Variants in NELL1 observed in about 807,000 individuals in gnomAD.
NELL1 encodes neural EGFL like 1.
Under a neutral mutation model 107.4 loss-of-function variants are expected in NELL1, and 76 were observed. The observed-to-expected ratio is 0.71, with a 90% confidence interval of 0.59 to 0.86. NELL1 has a LOEUF of 0.86. NELL1 is among the 40% of genes least tolerant of loss of function. NELL1 has a pLI of 0.00. For missense variants in NELL1, 1,024 were observed against 1,005.5 expected (o/e 1.02, Z -0.25); for synonymous variants, 353 against 341.2 (o/e 1.03, Z -0.38).
intron 12 of NELL1, among the ~76,000 whole-genome samples, chr11:20,977,264 A>ATT (rs558154042): frequency 1.1e-4 from 15 of 131,152 alleles, no homozygotes; most frequent in Non-Finnish European, 1.1e-4. Context: ...AATTAAATCT[A>ATT]TTTTTTTTTT....
intron 13 of NELL1, among the ~76,000 whole-genome samples, chr11:21,184,810 T>C (rs1856898337): frequency 6.6e-6 from 1 of 151,892 alleles, no homozygotes; most frequent in Non-Finnish European, 1.5e-5. Flanking sequence ...TAAGTTCTAA[T>C]TATTGAAATG....
chr11:21,340,747 T>C (rs1453881225), intron 14 of NELL1, among the ~76,000 whole-genome samples: 2 of 151,888 alleles, frequency 1.3e-5, no homozygotes, highest in African/African-American at 4.8e-5. Context: ...AGCTAAGGAA[T>C]GCCAAAGATT....
chr11:21,425,827 G>A (rs1382573503), intron 15 of NELL1, among the ~76,000 whole-genome samples: 1 of 152,186 alleles, frequency 6.6e-6, no homozygotes, highest in African/African-American at 2.4e-5. Flanking sequence ...GGACATACTA[G>A]TAGCAGAGAA....
intron 15 of NELL1, among the ~76,000 whole-genome samples, chr11:21,419,960 AT>A (rs950805442): frequency 6.6e-6 from 1 of 151,788 alleles, no homozygotes; most frequent in Non-Finnish European, 1.5e-5. Context: ...TTATAATCCT[AT>A]TTTTTTATTG....
chr11:20,838,959 C>T (rs901078025), intron 3 of NELL1, among the ~76,000 whole-genome samples: 23 of 152,242 alleles, frequency 1.5e-4, no homozygotes, highest in East Asian at 5.8e-4. Context: ...TTAGTGCCTT[C>T]GGCTTGGTTG....
chr11:20,996,965 C>G (rs937032858), intron 12 of NELL1, among the ~76,000 whole-genome samples: 1 of 152,098 alleles, frequency 6.6e-6, no homozygotes, highest in Non-Finnish European at 1.5e-5. Flanking sequence ...GGAACTTCTC[C>G]TACATCATAT....
intron 13 of NELL1, among the ~76,000 whole-genome samples, chr11:21,128,935 G>C (rs750483429): frequency 7.9e-5 from 12 of 152,168 alleles, no homozygotes; most frequent in Admixed American, 2.6e-4. Flanking sequence ...CTATTTTTAG[G>C]ATTTAGAAAA....
rs139759570 is a variant in NELL1, at chr11:21,491,983, G to A, written c.1646-42391G>A. Among the ~76,000 whole-genome samples, 1,170 of 151,984 alleles carry A rather than the reference G, an allele frequency of 7.7e-3. 11 individuals carry two copies. The highest frequency in any genetic ancestry group is 0.027 in the African/African-American group (1,123 of 41,428). On this transcript the variant is annotated intron_variant, in intron 15 of 19. Transcript: ENST00000357134. ...CAACTGTGAATGGGAGTTCACTTTC[G>A]CAACCTACTCATCTGACAAAGGGCT...
At chr11:20,758,725 A>G (rs1856352723) in intron 2 of NELL1, among the ~76,000 whole-genome samples, 1 of 152,124 alleles carries the variant, frequency 6.6e-6, no homozygotes, top group Non-Finnish European at 1.5e-5. Flanking sequence ...TGCATTGTAG[A>G]TGTTTAGCAG....
intron 13 of NELL1, among the ~76,000 whole-genome samples, chr11:21,199,407 A>G (rs1056087113): frequency 1.3e-5 from 2 of 152,166 alleles, no homozygotes; most frequent in African/African-American, 4.8e-5. Flanking sequence ...TTTAATACAC[A>G]TTCCCAGGAA....
chr11:21,020,830 C>T (rs768766867), intron 12 of NELL1, among the ~76,000 whole-genome samples: 1 of 151,944 alleles, frequency 6.6e-6, no homozygotes, highest in South Asian at 2.1e-4. Context: ...AGAGACACCA[C>T]TGTAGGAAGC....
intron 13 of NELL1, among the ~76,000 whole-genome samples, chr11:21,170,899 A>G (rs1856593617): frequency 6.6e-6 from 1 of 151,602 alleles, no homozygotes; most frequent in Non-Finnish European, 1.5e-5. Context: ...CATGTTATCT[A>G]TCATTTGTAG....
intron 15 of NELL1, among the ~76,000 whole-genome samples, chr11:21,475,777 T>G (rs373972603): frequency 3.9e-5 from 6 of 152,330 alleles, no homozygotes; most frequent in African/African-American, 1.4e-4. Context: ...AGTTGAGTAG[T>G]TGATAAGACA....
chr11:21,205,628 T>C (rs774426462), intron 13 of NELL1, among the ~76,000 whole-genome samples: 31 of 152,176 alleles, frequency 2.0e-4, no homozygotes, highest in Admixed American at 1.6e-3. Context: ...TCAACAGTTC[T>C]GTCTTGCCGG....
At chr11:21,147,598 C>T (rs1049261807) in intron 13 of NELL1, among the ~76,000 whole-genome samples, 5 of 151,724 alleles carry the variant, frequency 3.3e-5, no homozygotes, top group Admixed American at 6.6e-5. Context: ...TTTGGGAGGC[C>T]GAGGTGGGTG....
intron 14 of NELL1, among the ~76,000 whole-genome samples, chr11:21,348,138 A>G (rs1417730883): frequency 6.6e-6 from 1 of 152,188 alleles, no homozygotes; most frequent in Non-Finnish European, 1.5e-5. Context: ...AATATAAGAT[A>G]TGGCTTTCTA....
At chr11:20,718,917 A>C (rs1279248864) in intron 2 of NELL1, among the ~76,000 whole-genome samples, 1 of 152,136 alleles carries the variant, frequency 6.6e-6, no homozygotes, top group East Asian at 1.9e-4. Flanking sequence ...CGTGTTCATT[A>C]TGGGACATCT....
chr11:21,200,043 C>T (rs991931900), intron 13 of NELL1, among the ~76,000 whole-genome samples: 9 of 152,134 alleles, frequency 5.9e-5, no homozygotes, highest in African/African-American at 1.9e-4. Context: ...TCCAGTCTAT[C>T]ATTGATGGGC....
intron 12 of NELL1, among the ~76,000 whole-genome samples, chr11:21,087,768 A>G (rs546208611): frequency 4.6e-5 from 7 of 152,208 alleles, no homozygotes; most frequent in African/African-American, 1.4e-4. Context: ...TAAAAAATTG[A>G]TATGTATTAG....
Sources: gnomAD v4.1 joint callset for allele counts (sites outside exome capture counted in the v4.1 genomes callset) on GRCh38, gnomAD v4.1.1 for gene constraint, MANE v1.5 for transcripts, NCBI Gene and HGNC (gene_info 2026-07-23, HGNC 2026-07-21) for gene names.